CALN1: variants seen among roughly 807,000 people sequenced by gnomAD.
The protein encoded by CALN1 is calneuron 1.
Under a neutral mutation model 30.6 loss-of-function variants are expected in CALN1, and 17 were observed. That is an observed-to-expected ratio of 0.56 (90% CI 0.38 to 0.83). The LOEUF (loss-of-function observed/expected upper bound fraction) is 0.83. Ranked by LOEUF, CALN1 falls within the 40% of genes least tolerant of loss-of-function variation. CALN1 has a pLI of 0.00. For missense variants in CALN1, 291 were observed against 354.9 expected, an observed-to-expected ratio of 0.82 and a Z score of 1.45; for synonymous variants, 156 against 131.4, an observed-to-expected ratio of 1.19 and a Z score of -1.28.
chr7:72,359,990 A>AAAAAAAAAAAAAAC lies in CALN1; in HGVS notation c.119+43260_119+43261insGTTTTTTTTTTTTT, dbSNP rs1365927582. Among the ~76,000 whole-genome samples, 275 of 148,186 alleles carry AAAAAAAAAAAAAAC rather than the reference A, an allele frequency of 1.9e-3. 4 individuals carry two copies. Among genetic ancestry groups the AAAAAAAAAAAAAAC allele is most frequent in the African/African-American group, 6.5e-3 (260 of 39,812 alleles). On this transcript the variant is annotated intron_variant, in intron 2 of 6. Coordinates refer to ENST00000395275, the MANE Select transcript of CALN1 (RefSeq NM_031468.4). ...AGACTCCATCTCAAAAAAAAAAAAA[A>AAAAAAAAAAAAAAC]ACCAAAGTTGACCTGGATTCTGCAA...
chr7:71,885,928 C>T (rs750373930), intron 5 of CALN1, among the ~76,000 whole-genome samples: 1 of 152,142 alleles, frequency 6.6e-6, no homozygotes, highest in African/African-American at 2.4e-5. Context: ...AATTCATTTC[C>T]GTAGTAACAG....
chr7:72,399,427 C>A (rs1806192403), intron 2 of CALN1, among the ~76,000 whole-genome samples: 2 of 151,812 alleles, frequency 1.3e-5, no homozygotes, highest in Non-Finnish European at 2.9e-5. Context: ...CACACCACCA[C>A]CCCCAGCTAA....
chr7:72,413,778 C>CAT (rs79259614), upstream of CALN1, among the ~76,000 whole-genome samples: 25,164 of 151,808 alleles, frequency 0.17, 3,096 homozygotes, highest in East Asian at 0.34. Flanking sequence ...ACACACTACA[C>CAT]AGACACGCAC....
At chr7:72,367,070 A>G (rs184611023) in intron 2 of CALN1, among the ~76,000 whole-genome samples, 15 of 152,224 alleles carry the variant, frequency 9.9e-5, no homozygotes, top group Non-Finnish European at 1.9e-4. Flanking sequence ...AAGACGACAG[A>G]TAAGGTAGAA....
chr7:71,814,901 T>C (rs1455795284), intron 5 of CALN1, among the ~76,000 whole-genome samples: 2 of 151,838 alleles, frequency 1.3e-5, no homozygotes, highest in African/African-American at 4.8e-5. Flanking sequence ...TGACGCAATC[T>C]TGGCTCACTG....
intron 5 of CALN1, among the ~76,000 whole-genome samples, chr7:71,935,663 G>A (rs1182590064): frequency 3.9e-5 from 6 of 152,242 alleles, no homozygotes; most frequent in African/African-American, 7.2e-5. Context: ...GAGAAGTTGC[G>A]GTGAGCGGAG....
At chr7:72,302,722 C>T (rs1294011145) in intron 2 of CALN1, among the ~76,000 whole-genome samples, 5 of 151,476 alleles carry the variant, frequency 3.3e-5, no homozygotes, top group South Asian at 2.1e-4. Context: ...GGTGAAACCC[C>T]GTCTCTACTA....
chr7:71,979,109 C>G (rs1183605887), intron 5 of CALN1, among the ~76,000 whole-genome samples: 1 of 152,214 alleles, frequency 6.6e-6, no homozygotes, highest in East Asian at 1.9e-4. Context: ...AAGGGGTCCT[C>G]CCCTATAATT....
rs1380580505 is a variant in CALN1 at position 71,791,792 on chromosome 7, A to G, written c.659-3890T>C. On this transcript the variant is annotated intron_variant, in intron 6 of 6. Coordinates refer to ENST00000395275, the MANE Select transcript of CALN1 (RefSeq NM_031468.4). ...TGGGAGGCCGAGGCGGGCGGATCACAAGGTCAGGAGATCGAGACCATCCTG... is the reference window on the plus strand; with the variant it reads ...TGGGAGGCCGAGGCGGGCGGATCACGAGGTCAGGAGATCGAGACCATCCTG... Among the ~76,000 whole-genome samples, 6 of 152,110 alleles carry G rather than the reference A, an allele frequency of 3.9e-5. No individual in the cohort carries two copies. In the East Asian group the frequency reaches 7.7e-4, roughly 20 times the overall value.
intron 3 of CALN1, among the ~76,000 whole-genome samples, chr7:72,182,477 T>C (rs538529767): frequency 8.5e-5 from 13 of 152,142 alleles, no homozygotes; most frequent in Non-Finnish European, 1.6e-4. Context: ...CCAACCACTT[T>C]AGGAGGCCGA....
At chr7:72,467,272 G>C in the CALN1 span, among the ~76,000 whole-genome samples, 1 of 152,222 alleles carries the variant, frequency 6.6e-6, no homozygotes, top group Non-Finnish European at 1.5e-5. Context: ...CAATCCTGCT[G>C]GTGGGGCTGA....
At chr7:72,192,905 G>A (rs1790724355) in intron 3 of CALN1, among the ~76,000 whole-genome samples, 1 of 147,538 alleles carries the variant, frequency 6.8e-6, no homozygotes, top group African/African-American at 2.5e-5. Flanking sequence ...AATTTTGCCA[G>A]GGCCAGGAAC....
At chr7:72,115,883 T>C in intron 3 of CALN1, among the ~76,000 whole-genome samples, 1 of 152,034 alleles carries the variant, frequency 6.6e-6, no homozygotes, top group East Asian at 1.9e-4. Context: ...GAGATCCTCT[T>C]TTTTTAGCTC....
intron 4 of CALN1, among the ~76,000 whole-genome samples, chr7:72,054,786 A>G (rs1358525003): frequency 6.6e-6 from 1 of 152,050 alleles, no homozygotes; most frequent in African/African-American, 2.4e-5. Flanking sequence ...CAGTACCCCA[A>G]ATAATTATTG....
At chr7:72,408,518 T>TATGTTGGTG (rs1166848240) in intron 1 of CALN1, among the ~76,000 whole-genome samples, 1 of 151,948 alleles carries the variant, frequency 6.6e-6, no homozygotes, top group African/African-American at 2.4e-5. Flanking sequence ...GTAACTGGAA[T>TATGTTGGTG]ATGTTGGTGA....
intron 5 of CALN1, among the ~76,000 whole-genome samples, chr7:71,846,203 C>T (rs966588120): frequency 3.9e-5 from 6 of 152,122 alleles, no homozygotes; most frequent in African/African-American, 7.2e-5. Context: ...CCCTATGAAG[C>T]GAAACACACT....
At chr7:72,335,358 G>T (rs1801943773) in intron 2 of CALN1, among the ~76,000 whole-genome samples, 1 of 152,188 alleles carries the variant, frequency 6.6e-6, no homozygotes, top group African/African-American at 2.4e-5. Context: ...TAAAGAAGCA[G>T]AACCTGAAAA....
chr7:72,116,027 C>T (rs185481951), intron 3 of CALN1, among the ~76,000 whole-genome samples: 18 of 152,206 alleles, frequency 1.2e-4, no homozygotes, highest in African/African-American at 4.3e-4. Flanking sequence ...GAATAACAGT[C>T]CATTGTGTAT....
chr7:71,865,544 A>G (rs545905695), intron 5 of CALN1, among the ~76,000 whole-genome samples: 1 of 152,370 alleles, frequency 6.6e-6, no homozygotes, highest in South Asian at 2.1e-4. Context: ...TACAGTTCTC[A>G]AAGCCTTATC....
Sources: gnomAD v4.1 joint callset for allele counts (sites outside exome capture counted in the v4.1 genomes callset) on GRCh38, gnomAD v4.1.1 for gene constraint, MANE v1.5 for transcripts, NCBI Gene and HGNC (gene_info 2026-07-23, HGNC 2026-07-21) for gene names.